Variants in STIMATE observed in about 807,000 individuals in gnomAD.
The protein encoded by STIMATE is store-operated calcium entry regulator STIMATE.
A neutral mutation model predicts 36.7 loss-of-function variants in STIMATE; 15 were observed. That is an observed-to-expected ratio of 0.41 (90% confidence interval 0.27 to 0.63). STIMATE has a LOEUF of 0.63. Among genes scored for constraint, STIMATE ranks in the 20% least tolerant of loss-of-function variants. STIMATE has a pLI of 0.32. For synonymous variants in STIMATE, 163 were observed against 162.3 expected (o/e 1.00, Z -0.03); for missense variants, 305 against 397.3 (o/e 0.77, Z 1.98).
chr3:52,847,937 A>G (rs1700936061), intron 4 of STIMATE: 1 of 203,712 alleles, frequency 4.9e-6, no homozygotes, highest in Non-Finnish European at 1.0e-5. Flanking sequence ...AGGGGCCGCG[A>G]GCCAAGGCTT....
chr3:52,880,565 A>C (rs1701586005), intron 1 of STIMATE, among the ~76,000 whole-genome samples: 1 of 152,208 alleles, frequency 6.6e-6, no homozygotes, highest in Admixed American at 6.5e-5. Flanking sequence ...ACGAAGACTC[A>C]GCCAAGCTCC....
intron 1 of STIMATE, among the ~76,000 whole-genome samples, chr3:52,859,416 C>A (rs1701167236): frequency 7.6e-6 from 1 of 132,298 alleles, no homozygotes; most frequent in Non-Finnish European, 1.5e-5. Flanking sequence ...CCTGTAATCC[C>A]AGCACTTTGG....
intron 1 of STIMATE, among the ~76,000 whole-genome samples, chr3:52,887,994 G>GT (rs71087029): frequency 0.18 from 9,352 of 51,678 alleles, 2,857 homozygotes; most frequent in Admixed American, 0.28. Context: ...AACAGAATCA[G>GT]TTTTTTTTTT....
chr3:52,847,899 G>C (rs1273302030), intron 4 of STIMATE, among the ~76,000 whole-genome samples: 2 of 152,278 alleles, frequency 1.3e-5, no homozygotes, highest in South Asian at 4.1e-4. Flanking sequence ...TAAACCCAGC[G>C]ACTCTTGTTG....
chr3:52,854,881 C>G (rs554554001), intron 2 of STIMATE, among the ~76,000 whole-genome samples: 1 of 152,298 alleles, frequency 6.6e-6, no homozygotes, highest in South Asian at 2.1e-4. Flanking sequence ...AGTTGGAAAG[C>G]TGGTTGATGC....
intron 2 of STIMATE, 75 bp downstream of exon 2, chr3:52,855,321 A>C: frequency 1.3e-6 from 2 of 1,557,692 alleles, no homozygotes; most frequent in Non-Finnish European, 1.7e-6. Flanking sequence ...CTCCAACACC[A>C]TACCCCACCC....
chr3:52,882,096 AG>A (rs1157852366), intron 1 of STIMATE, among the ~76,000 whole-genome samples: 1 of 152,234 alleles, frequency 6.6e-6, no homozygotes, highest in African/African-American at 2.4e-5. Flanking sequence ...CATCACCGGA[AG>A]TCTTGACTGG....
chr3:52,872,780 C>T (rs1176132772), intron 1 of STIMATE, among the ~76,000 whole-genome samples: 1 of 152,192 alleles, frequency 6.6e-6, no homozygotes, highest in Non-Finnish European at 1.5e-5. Context: ...CATGCACCAC[C>T]ACACCCAGCT....
chr3:52,887,785 G>T (rs561690306), intron 1 of STIMATE, among the ~76,000 whole-genome samples: 3 of 152,086 alleles, frequency 2.0e-5, no homozygotes, highest in Non-Finnish European at 4.4e-5. Context: ...CCAGGATAAG[G>T]TCCTGTCCAT....
intron 1 of STIMATE, among the ~76,000 whole-genome samples, chr3:52,894,670 G>A (rs1347530041): frequency 6.9e-6 from 1 of 145,618 alleles, no homozygotes; most frequent in African/African-American, 2.4e-5. Context: ...TCAGGGAGGT[G>A]AAGTAAGGAA....
At chr3:52,879,454 C>T (rs1701566118) in intron 1 of STIMATE, among the ~76,000 whole-genome samples, 1 of 152,188 alleles carries the variant, frequency 6.6e-6, no homozygotes, top group African/African-American at 2.4e-5. Flanking sequence ...CTTCTCACAG[C>T]TACTGACGCC....
chr3:52,841,403 C>T (rs1445221419), intron 7 of STIMATE, among the ~76,000 whole-genome samples: 2 of 152,224 alleles, frequency 1.3e-5, no homozygotes, highest in Non-Finnish European at 2.9e-5. Context: ...AGACAAACAG[C>T]GGCACTTTGC....
At chr3:52,843,586 G>C in intron 6 of STIMATE, 135 bp downstream of exon 6, 2 of 1,317,948 alleles carry the variant, frequency 1.5e-6, no homozygotes, top group Non-Finnish European at 2.1e-6. Flanking sequence ...CAGGTCTGGG[G>C]GTGGGAGAGG....
At chr3:52,867,180 C>T (rs1701326285) in intron 1 of STIMATE, among the ~76,000 whole-genome samples, 1 of 152,202 alleles carries the variant, frequency 6.6e-6, no homozygotes, top group African/African-American at 2.4e-5. Flanking sequence ...CACAAAGCTG[C>T]TCTTTGCCAT....
chr3:52,841,153 T>C (rs977078502), intron 7 of STIMATE, among the ~76,000 whole-genome samples: 3 of 152,210 alleles, frequency 2.0e-5, no homozygotes, highest in African/African-American at 7.2e-5. Flanking sequence ...CCTCTGCTAA[T>C]GCTCCCCACT....
chr3:52,867,024 C>T (rs1195231139), intron 1 of STIMATE, among the ~76,000 whole-genome samples: 1 of 152,198 alleles, frequency 6.6e-6, no homozygotes, highest in Non-Finnish European at 1.5e-5. Context: ...GGTCTCCCGG[C>T]TGCAGCCCTG....
At chr3:52,869,664 C>T (rs576373997) in intron 1 of STIMATE, among the ~76,000 whole-genome samples, 9 of 152,354 alleles carry the variant, frequency 5.9e-5, no homozygotes, top group Middle Eastern at 3.4e-3. Flanking sequence ...GAGACCTTAT[C>T]TTATTCATAT....
In STIMATE at chr3:52,844,955, C is replaced by T. The variant is rs144680313; in HGVS notation, c.428-14G>A. Reference sequence around the variant, plus strand: ...GCAGAGGGTCTCCTGCAGGGACAGGCGGGTGCTTAGTCACATGGGGCCCAG... The same window carrying T: ...GCAGAGGGTCTCCTGCAGGGACAGGTGGGTGCTTAGTCACATGGGGCCCAG... On this transcript the variant is annotated splice_polypyrimidine_tract_variant and intron_variant, in intron 4 of 7. Coordinates refer to ENST00000355083, the MANE Select transcript of STIMATE (RefSeq NM_198563.5). The T allele has an allele frequency of 4.1e-3, 6,610 of 1,612,046 alleles. 13 individuals are homozygous for T. Among genetic ancestry groups the T allele is most frequent in the Non-Finnish European group, 5.0e-3 (5,926 of 1,178,776 alleles).
rs556215848 is a variant in STIMATE, at chr3:52,871,340, G to A, written c.161-15896C>T. On this transcript the variant is annotated intron_variant, in intron 1 of 7. Transcript: ENST00000355083. Reference sequence around the variant, plus strand: ...GAGGATGCTGGGGGCTCGGTGCAGCGGGGGAGCAGAACCCAGGCCGGACTG... The same window carrying A: ...GAGGATGCTGGGGGCTCGGTGCAGCAGGGGAGCAGAACCCAGGCCGGACTG... Among the ~76,000 whole-genome samples the A allele has an allele frequency of 2.8e-4, 42 of 152,180 alleles. No individual in the cohort carries two copies. In the South Asian group the frequency reaches 8.1e-3, roughly 29 times the overall value.
Sources: gnomAD v4.1 joint callset for allele counts (sites outside exome capture counted in the v4.1 genomes callset) on GRCh38, gnomAD v4.1.1 for gene constraint, MANE v1.5 for transcripts, NCBI Gene and HGNC (gene_info 2026-07-23, HGNC 2026-07-21) for gene names.